The following USP31 variants were observed in gnomAD, a reference collection of about 807,000 sequenced individuals.
The protein encoded by USP31 is ubiquitin specific peptidase 31.
USP31 carries 44 observed loss-of-function variants against 119.4 expected under a neutral mutation model. The observed-to-expected ratio is 0.37, with a 90% CI of 0.29 to 0.47. USP31 has a LOEUF of 0.47. Ranked by LOEUF, USP31 falls within the 20% of genes least tolerant of loss-of-function variation. USP31 has a pLI of 0.99. For missense variants in USP31, 1,643 were observed against 1,730.2 expected, an observed-to-expected ratio of 0.95 and a Z score of 0.89; for synonymous variants, 749 against 705.6, an observed-to-expected ratio of 1.06 and a Z score of -0.97.
chr16:23,119,143 G>C (rs925418046), intron 1 of USP31, among the ~76,000 whole-genome samples: 2 of 148,242 alleles, frequency 1.3e-5, no homozygotes, highest in Non-Finnish European at 3.0e-5. Flanking sequence ...TTGTCCCCCA[G>C]GCTGGAGTGC....
intron 15 of USP31, among the ~76,000 whole-genome samples, chr16:23,070,347 C>A (rs533813566): frequency 6.6e-6 from 1 of 152,274 alleles, no homozygotes; most frequent in South Asian, 2.1e-4. Flanking sequence ...AGATGTGGAT[C>A]AACGCAAAGA....
At position 23,135,918 on chromosome 16, in the gene USP31, T is replaced by G. The variant is rs9930268; in HGVS notation, c.633+12720A>C. 9.3e-3 allele frequency among the ~76,000 whole-genome samples: 1,414 copies of G among 152,274 alleles called. 18 individuals are homozygous for G. The highest frequency in any genetic ancestry group is 0.03 in the African/African-American group (1,227 of 41,548). On this transcript the variant is annotated intron_variant, in intron 1 of 15. Coordinates refer to ENST00000219689, the MANE Select transcript of USP31 (RefSeq NM_020718.4). ...AATTGAAGGACTCACACTTCCTGAT[T>G]TCAAAACTTACTACTGTACACAGCT...
rs115849931 is a variant in USP31 at position 23,130,835 on chromosome 16, G to T, written c.633+17803C>A. On this transcript the variant is annotated intron_variant, in intron 1 of 15. Coordinates refer to ENST00000219689, the MANE Select transcript of USP31 (RefSeq NM_020718.4). Reference sequence around the variant, plus strand: ...AAACATTTTTGGCAGATACATCAGCGTAAGTCACGTGCTAGTAACACACCC... The same window carrying T: ...AAACATTTTTGGCAGATACATCAGCTTAAGTCACGTGCTAGTAACACACCC... 4.0e-3 allele frequency among the ~76,000 whole-genome samples: 609 copies of T among 152,324 alleles called. 7 individuals are homozygous for T. Among genetic ancestry groups the T allele is most frequent in the African/African-American group, 0.013 (554 of 41,560 alleles).
rs117265047 is a variant in USP31 at position 23,071,882 on chromosome 16, C to G, written c.2488+163G>C. Among the ~76,000 whole-genome samples, 1,501 of 152,316 alleles carry G rather than the reference C, an allele frequency of 9.9e-3. 13 individuals are homozygous for G. The highest frequency in any genetic ancestry group is 0.017 in the Non-Finnish European group (1,152 of 68,028). ...CAAATGACTCTGTTAATACAAAATG[C>G]TTTTTAGGATCATAACTCACAGCTA... On this transcript the variant is annotated intron_variant, in intron 15 of 15. Transcript: ENST00000219689.
Position 23,069,238 on chromosome 16 carries a change from C to A in USP31, c.2867G>T (p.Arg956Leu), listed in dbSNP as rs776883130. 1.9e-6 allele frequency: 3 copies of A among 1,614,108 alleles called. No individual in the cohort carries two copies. The highest frequency in any genetic ancestry group is 2.5e-6 in the Non-Finnish European group (3 of 1,180,002). Reference sequence around the variant, plus strand: ...ATCTACGACACTGGAGTTCAATCTGCGGGTGTCCGATTCGTCTTTGAACAC... The same window carrying A: ...ATCTACGACACTGGAGTTCAATCTGAGGGTGTCCGATTCGTCTTTGAACAC... ...EGVFKDESDT[R>L]RLNSSVVDTQ... Residue 956 changes from arginine (R) to leucine (L), a missense_variant, in exon 16 of 16, where the codon CGC (arginine) becomes CTC (leucine). Arg to Leu is a moderately radical substitution (Grantham distance 102). Around this residue, in one of 5 missense-constraint regions of USP31, gnomAD observed 699 missense variants for 650.9 expected, o/e 1.07. Coordinates refer to ENST00000219689, the MANE Select transcript of USP31 (RefSeq NM_020718.4).
At chr16:23,089,372 A>G (rs1327984765) in intron 7 of USP31, among the ~76,000 whole-genome samples, 8 of 152,090 alleles carry the variant, frequency 5.3e-5, no homozygotes, top group Admixed American at 5.2e-4. Flanking sequence ...GGACTGTCTG[A>G]AGTTAAAGAC....
At position 23,066,449 on chromosome 16, in the gene USP31, T is replaced by C. The variant is rs1900073848; in HGVS notation, c.*1597A>G. Reference sequence around the variant, plus strand: ...AAAAGTAGTGCAGAATTCACAGCTATGCATGCATATGTGTTGTAGTTAATT... The same window carrying C: ...AAAAGTAGTGCAGAATTCACAGCTACGCATGCATATGTGTTGTAGTTAATT... On this transcript the variant is annotated 3_prime_UTR_variant, in exon 16 of 16. Transcript: ENST00000219689. The C allele has an allele frequency of 6.6e-6, 1 of 152,480 alleles. No individual in the cohort carries two copies. The highest frequency in any genetic ancestry group is 1.5e-5 in the Non-Finnish European group (1 of 68,046). 9.4% of individuals were successfully genotyped at this position (152,480 alleles called of 1,614,324 possible).
At chr16:23,119,903 T>C (rs189420789) in intron 1 of USP31, among the ~76,000 whole-genome samples, 79 of 152,310 alleles carry the variant, frequency 5.2e-4, no homozygotes, top group Admixed American at 4.9e-3. Context: ...GGGGGTGTTC[T>C]TCACCTTAAA....
In USP31 at chr16:23,148,940, GCGGCGGCGGGCA is replaced by G; in HGVS notation, c.319_330del (p.Cys107_Pro110del). Reference sequence around the variant, plus strand: ...CAAGCGGGCGGCGCGGGAGAGGCGGGCGGCGGCGGGCACGGCGGCGGCGTGGGCGCGGCGGCC... The same window carrying G: ...CAAGCGGGCGGCGCGGGAGAGGCGGGCGGCGGCGGCGTGGGCGCGGCGGCC... On this transcript the variant is annotated inframe_deletion, in exon 1 of 16. Transcript: ENST00000219689. The G allele has an allele frequency of 1.8e-6, 2 of 1,122,744 alleles. No homozygotes were observed. Among genetic ancestry groups the G allele is most frequent in the Non-Finnish European group, 2.2e-6 (2 of 915,986 alleles). The allele number at this position is 1,122,744 out of a possible 1,614,324, so 69.5% of individuals were successfully genotyped here.
In USP31 at chr16:23,066,447, T is replaced by G. The variant is rs1900073728; in HGVS notation, c.*1599A>C. ...AAAAAAGTAGTGCAGAATTCACAGCTATGCATGCATATGTGTTGTAGTTAA... is the reference window on the plus strand; with the variant it reads ...AAAAAAGTAGTGCAGAATTCACAGCGATGCATGCATATGTGTTGTAGTTAA... On this transcript the variant is annotated 3_prime_UTR_variant, in exon 16 of 16. Coordinates refer to ENST00000219689, the MANE Select transcript of USP31 (RefSeq NM_020718.4). 1 of 152,466 alleles carries G rather than the reference T, an allele frequency of 6.6e-6. No individual in the cohort carries two copies. Among genetic ancestry groups the G allele is most frequent in the African/African-American group, 2.4e-5 (1 of 41,442 alleles). 9.4% of individuals were successfully genotyped at this position (152,466 alleles called of 1,614,324 possible).
chr16:23,073,641 G>C (rs1900435001), intron 14 of USP31, 81 bp downstream of exon 14: 1 of 1,481,060 alleles, frequency 6.8e-7, no homozygotes, highest in Non-Finnish European at 9.2e-7. Flanking sequence ...AGTCATGAGA[G>C]CCTCCAGAGA....
chr16:23,073,098 T>C (rs1191699770), intron 14 of USP31, among the ~76,000 whole-genome samples: 1 of 152,152 alleles, frequency 6.6e-6, no homozygotes, highest in Non-Finnish European at 1.5e-5. Flanking sequence ...TTGGATTATG[T>C]GTGGCTGCAT....
chr16:23,129,954 T>C (rs544992448), intron 1 of USP31, among the ~76,000 whole-genome samples: 22 of 152,274 alleles, frequency 1.4e-4, no homozygotes, highest in African/African-American at 5.3e-4. Context: ...CAGGGGACTG[T>C]GAAATAATAA....
rs768276245 is a variant in USP31, at chr16:23,068,173, G to A, written c.3932C>T (p.Ser1311Phe). ...AKHSLLSARK[S>F]KSSQLDSGVP... ...TCCAGAGTCTAGTTGGGAAGACTTG[G>A]ATTTGCGAGCGGACAGCAGGGAATG... Residue 1311 changes from serine to phenylalanine, a missense_variant, in exon 16 of 16, where the codon TCC becomes TTC. Ser to Phe is a radical substitution (Grantham distance 155). Transcript: ENST00000219689. 3.7e-6 allele frequency: 6 copies of A among 1,614,082 alleles called. No homozygotes were observed. The African/African-American group carries it at 4.0e-5, about 11-fold the overall frequency.
chr16:23,143,597 GAGAGAGAGAA>G (rs1903418508), intron 1 of USP31, among the ~76,000 whole-genome samples: 1 of 140,618 alleles, frequency 7.1e-6, no homozygotes. Context: ...GGGGGGGGGA[GAGAGAGAGAA>G]AGAGAGAGCG....
At chr16:23,106,136 A>C (rs1902092798) in intron 4 of USP31, 77 bp downstream of exon 4, 4 of 1,470,068 alleles carry the variant, frequency 2.7e-6, no homozygotes, top group Middle Eastern at 1.9e-4. Flanking sequence ...ATAAGTAAGA[A>C]GACCTAATAG....
At chr16:23,107,037 A>C (rs956935909) in intron 2 of USP31, among the ~76,000 whole-genome samples, 2 of 151,806 alleles carry the variant, frequency 1.3e-5, no homozygotes, top group Non-Finnish European at 2.9e-5. Context: ...ACTTGAACCC[A>C]GGAAGCAGAG....
At chr16:23,133,919 T>A (rs1317343865) in intron 1 of USP31, among the ~76,000 whole-genome samples, 3 of 151,796 alleles carry the variant, frequency 2.0e-5, no homozygotes, top group African/African-American at 7.3e-5. Context: ...TACAAAAAAA[T>A]AACAAAAGTT....
chr16:23,124,161 T>C (rs904310863), intron 1 of USP31, among the ~76,000 whole-genome samples: 1 of 152,084 alleles, frequency 6.6e-6, no homozygotes, highest in African/African-American at 2.4e-5. Flanking sequence ...AACCACTCAA[T>C]AGGGCCTATG....
Sources: gnomAD v4.1 joint callset for allele counts (sites outside exome capture counted in the v4.1 genomes callset) on GRCh38, gnomAD v4.1.1 for gene constraint, gnomAD v4.1.1 regional missense constraint, MANE v1.5 for transcripts, NCBI Gene and HGNC (gene_info 2026-07-23, HGNC 2026-07-21) for gene names.